IPO8: variants seen among roughly 807,000 people sequenced by gnomAD.
The protein encoded by IPO8 is importin-8.
IPO8 carries 65 observed loss-of-function variants against 141.2 expected under a neutral mutation model. The ratio of observed to expected loss-of-function variants is 0.46; its 90% CI spans 0.38 to 0.57. The LOEUF is 0.57. IPO8 is among the 20% of genes least tolerant of loss of function. IPO8 has a pLI of 0.00. For missense variants in IPO8, 980 were observed against 1,246.8 expected (o/e 0.79, Z 3.22); for synonymous variants, 411 against 420.3 (o/e 0.98, Z 0.27).
At chr12:30,656,953 A>C (rs1019847061) in intron 16 of IPO8, among the ~76,000 whole-genome samples, 7 of 152,140 alleles carry the variant, frequency 4.6e-5, no homozygotes, top group Non-Finnish European at 8.8e-5. Context: ...ATCCATAACA[A>C]TTTATATTAG....
At chr12:30,670,866 A>G (rs2053036939) in intron 9 of IPO8, 96 bp downstream of exon 9, 1 of 970,794 alleles carries the variant, frequency 1.0e-6, no homozygotes. Flanking sequence ...ATGTATATAT[A>G]TAAAATGTAA....
intron 15 of IPO8, 113 bp from the exon 16 acceptor site, chr12:30,661,379 T>C (rs531286098): frequency 9.9e-6 from 9 of 906,186 alleles, no homozygotes; most frequent in East Asian, 6.0e-5. Flanking sequence ...TGCTCAAACT[T>C]TGAAGTCTGC....
intron 20 of IPO8, among the ~76,000 whole-genome samples, chr12:30,641,980 A>G (rs2052580699): frequency 6.6e-6 from 1 of 152,154 alleles, no homozygotes; most frequent in Non-Finnish European, 1.5e-5. Flanking sequence ...GGATCACCCA[A>G]GGTCAGGAGT....
chr12:30,645,628 GAA>G (rs1457116070), intron 20 of IPO8, among the ~76,000 whole-genome samples: 1 of 151,560 alleles, frequency 6.6e-6, no homozygotes, highest in Non-Finnish European at 1.5e-5. Flanking sequence ...AGTCAACTAA[GAA>G]AAAAAGAGAG....
At chr12:30,631,423 G>A (rs777165750) in intron 24 of IPO8, among the ~76,000 whole-genome samples, 4 of 152,122 alleles carry the variant, frequency 2.6e-5, no homozygotes, top group Admixed American at 6.5e-5. Flanking sequence ...AATCAACACA[G>A]AGTAATTCCT....
chr12:30,692,183 GTTAT>G (rs1217608856), intron 1 of IPO8, among the ~76,000 whole-genome samples: 39 of 152,096 alleles, frequency 2.6e-4, no homozygotes, highest in Admixed American at 2.6e-3. Context: ...ACTGACTTCC[GTTAT>G]TTGTTTAAAA....
intron 21 of IPO8, among the ~76,000 whole-genome samples, chr12:30,637,958 G>C (rs1238131269): frequency 6.6e-6 from 1 of 152,190 alleles, no homozygotes; most frequent in Non-Finnish European, 1.5e-5. Flanking sequence ...ACAGGCTTCT[G>C]TTATTCTTCA....
intron 21 of IPO8, among the ~76,000 whole-genome samples, chr12:30,638,256 T>C (rs1381272131): frequency 6.6e-6 from 1 of 152,230 alleles, no homozygotes; most frequent in Admixed American, 6.5e-5. Flanking sequence ...CCTAAATCTT[T>C]CTCAGAGATA....
chr12:30,672,544 T>C (rs1320095354), intron 8 of IPO8, among the ~76,000 whole-genome samples: 3 of 152,144 alleles, frequency 2.0e-5, no homozygotes, highest in African/African-American at 7.2e-5. Flanking sequence ...TACCAAGAGT[T>C]TATAACACGG....
chr12:30,652,116 C>A, intron 19 of IPO8, 76 bp downstream of exon 19: 3 of 751,764 alleles, frequency 4.0e-6, no homozygotes, highest in East Asian at 2.6e-5. Flanking sequence ...AAGAAACAAA[C>A]TGAAAAAGTA....
At chr12:30,648,516 T>G (rs1421996189) in intron 20 of IPO8, among the ~76,000 whole-genome samples, 1 of 152,208 alleles carries the variant, frequency 6.6e-6, no homozygotes, top group Non-Finnish European at 1.5e-5. Flanking sequence ...ACCATGTATG[T>G]ATACACTTTA....
rs1162170995 is a variant in IPO8, at chr12:30,655,020, T to TA, written c.1948+1663dup. ...TACATGATGGAGTACCAGTCCACCT[T>TA]AAAAAAAAAAGAAAATCCTATTATT... is the stretch of plus-strand genomic sequence containing the variant. On this transcript the variant is annotated intron_variant, in intron 17 of 24. Transcript: ENST00000256079. Among the ~76,000 whole-genome samples the TA allele has an allele frequency of 1.9e-4, 28 of 148,312 alleles. No individual in the cohort carries two copies. The East Asian group carries it at 2.0e-3, about 10-fold the overall frequency.
chr12:30,675,766 C>A (rs1407363689), intron 6 of IPO8, among the ~76,000 whole-genome samples: 1 of 150,738 alleles, frequency 6.6e-6, no homozygotes, highest in Non-Finnish European at 1.5e-5. Flanking sequence ...ATGGTGTGAA[C>A]CCGGGAGGCG....
Position 30,681,640 on chromosome 12 carries a change from C to T in IPO8, c.482+19G>A. On this transcript the variant is annotated intron_variant, in intron 4 of 24. Transcript: ENST00000256079. ...AGTTACACAAGGCTGCTTTCTTCAG[C>T]CAATGGAAACCAACTTACTCATATG... The T allele has an allele frequency of 1.2e-6, 2 of 1,601,952 alleles. No individual in the cohort carries two copies. The highest frequency in any genetic ancestry group is 2.2e-5 in the East Asian group (1 of 44,606).
intron 20 of IPO8, among the ~76,000 whole-genome samples, chr12:30,648,873 A>G (rs969013868): frequency 6.7e-6 from 1 of 148,484 alleles, no homozygotes; most frequent in African/African-American, 2.6e-5. Context: ...CCAACTGAGT[A>G]GAATTTATAC....
At chr12:30,670,902 T>C (rs1375157921) in intron 9 of IPO8, 60 bp downstream of exon 9, 1 of 1,441,256 alleles carries the variant, frequency 6.9e-7, no homozygotes, top group African/African-American at 1.4e-5. Flanking sequence ...ATACTAACTT[T>C]GTCTAGAAAA....
chr12:30,642,719 G>A (rs775155898), intron 20 of IPO8, among the ~76,000 whole-genome samples: 1 of 151,684 alleles, frequency 6.6e-6, no homozygotes, highest in African/African-American at 2.4e-5. Context: ...AATATCCCCT[G>A]TGCCCAGCTT....
intron 14 of IPO8, among the ~76,000 whole-genome samples, chr12:30,662,982 A>G (rs1052657645): frequency 6.6e-6 from 1 of 152,048 alleles, no homozygotes; most frequent in Non-Finnish European, 1.5e-5. Flanking sequence ...CACGTTCTTC[A>G]TAAAGCTGAA....
At chr12:30,681,008 G>A (rs1490498128) in intron 4 of IPO8, among the ~76,000 whole-genome samples, 1 of 151,908 alleles carries the variant, frequency 6.6e-6, no homozygotes, top group African/African-American at 2.4e-5. Flanking sequence ...TAATATGGGG[G>A]GAATTTTCTT....
Sources: gnomAD v4.1 joint callset for allele counts (sites outside exome capture counted in the v4.1 genomes callset) on GRCh38, gnomAD v4.1.1 for gene constraint, MANE v1.5 for transcripts, NCBI Gene and HGNC (gene_info 2026-07-23, HGNC 2026-07-21) for gene names.